The following SHC4 variants were observed in gnomAD, a reference collection of about 807,000 sequenced individuals.
SHC4 encodes the protein SHC adaptor protein 4.
Under a neutral mutation model 69.4 loss-of-function variants are expected in SHC4, and 41 were observed. The ratio of observed to expected loss-of-function variants is 0.59; its 90% confidence interval spans 0.46 to 0.77. The LOEUF is 0.77. Ranked by LOEUF, SHC4 falls within the 30% of genes least tolerant of loss-of-function variation. SHC4 has a pLI of 0.00. For synonymous variants in SHC4, 318 were observed against 299.3 expected (o/e 1.06, Z -0.64); for missense variants, 777 against 783.8 (o/e 0.99, Z 0.10).
chr15:48,882,973 G>A (rs1205832688), intron 4 of SHC4, among the ~76,000 whole-genome samples: 1 of 152,136 alleles, frequency 6.6e-6, no homozygotes, highest in Non-Finnish European at 1.5e-5. Flanking sequence ...AACTAGACAA[G>A]AACTTATTTG....
At chr15:48,897,762 C>CAT (rs1900249721) in intron 2 of SHC4, among the ~76,000 whole-genome samples, 1 of 150,994 alleles carries the variant, frequency 6.6e-6, no homozygotes, top group South Asian at 2.1e-4. Flanking sequence ...TTCTGACACA[C>CAT]ACACACACAC....
At chr15:48,878,925 G>A (rs1049803) in intron 4 of SHC4, 12 of 508,232 alleles carry the variant, frequency 2.4e-5, no homozygotes, top group African/African-American at 3.8e-5. Context: ...AATCATTAAA[G>A]AAAAAGAAAA....
chr15:48,925,131 A>G (rs1171304517), intron 1 of SHC4, among the ~76,000 whole-genome samples, 182 bp from the exon 2 acceptor site: 1 of 152,228 alleles, frequency 6.6e-6, no homozygotes, highest in African/African-American at 2.4e-5. Flanking sequence ...GGTTCAATTC[A>G]GTTACAAAAC....
intron 6 of SHC4, among the ~76,000 whole-genome samples, chr15:48,858,793 A>T (rs1195188916): frequency 1.3e-5 from 2 of 152,244 alleles, no homozygotes; most frequent in Non-Finnish European, 2.9e-5. Flanking sequence ...ACAAAGGAAC[A>T]TTGGGATAAC....
chr15:48,894,513 A>G (rs1288105131), intron 2 of SHC4, among the ~76,000 whole-genome samples: 1 of 152,168 alleles, frequency 6.6e-6, no homozygotes, highest in Non-Finnish European at 1.5e-5. Flanking sequence ...GAGACGGGAC[A>G]ATGTTCCTGT....
chr15:48,849,487 T>C (rs1364749890), intron 9 of SHC4, among the ~76,000 whole-genome samples: 1 of 152,158 alleles, frequency 6.6e-6, no homozygotes, highest in Non-Finnish European at 1.5e-5. Context: ...ACTACAAGAG[T>C]GCCAGTTGTG....
At chr15:48,876,821 C>G (rs1899810106) in intron 4 of SHC4, 1 of 352,980 alleles carries the variant, frequency 2.8e-6, no homozygotes, top group Non-Finnish European at 5.3e-6. Flanking sequence ...ATGTTAATCT[C>G]CTTTGGCAAC....
At chr15:48,887,887 A>T (rs1310298139) in intron 3 of SHC4, among the ~76,000 whole-genome samples, 1 of 152,218 alleles carries the variant, frequency 6.6e-6, no homozygotes, top group African/African-American at 2.4e-5. Flanking sequence ...TATGCCAACA[A>T]ATTGGAGAAT....
intron 5 of SHC4, among the ~76,000 whole-genome samples, chr15:48,869,214 A>C (rs1203293645): frequency 1.3e-5 from 2 of 152,230 alleles, no homozygotes; most frequent in Non-Finnish European, 2.9e-5. Context: ...AAGTGGAGAA[A>C]GTATATATAG....
intron 2 of SHC4, among the ~76,000 whole-genome samples, chr15:48,895,248 T>C (rs991659613): frequency 9.2e-5 from 14 of 152,248 alleles, no homozygotes; most frequent in African/African-American, 2.2e-4. Flanking sequence ...GTTCAAATAA[T>C]TTAAATAACT....
intron 9 of SHC4, among the ~76,000 whole-genome samples, chr15:48,845,075 T>C (rs1392117203): frequency 6.6e-6 from 1 of 152,248 alleles, no homozygotes; most frequent in East Asian, 1.9e-4. Flanking sequence ...TAGCTAGCCA[T>C]ATGTGCTCAT....
intron 1 of SHC4, among the ~76,000 whole-genome samples, chr15:48,940,182 T>C (rs529845725): frequency 2.0e-5 from 3 of 152,374 alleles, no homozygotes; most frequent in Non-Finnish European, 4.4e-5. Flanking sequence ...CAGGATGGTT[T>C]AGTGAATGAC....
chr15:48,852,017 T>C (rs1473217113), intron 8 of SHC4, among the ~76,000 whole-genome samples: 2 of 152,190 alleles, frequency 1.3e-5, no homozygotes, highest in Admixed American at 6.5e-5. Context: ...CAGAAGATTG[T>C]AGATTAATGA....
At chr15:48,944,721 G>T (rs543479310) in intron 1 of SHC4, among the ~76,000 whole-genome samples, 4 of 152,304 alleles carry the variant, frequency 2.6e-5, no homozygotes, top group East Asian at 1.9e-4. Flanking sequence ...TGTGCTTTCA[G>T]ATGGCAGCTG....
At position 48,948,699 on chromosome 15, in the gene SHC4, A is replaced by G. The variant is rs1901315344; in HGVS notation, c.585+13732T>C. Among the ~76,000 whole-genome samples the G allele has an allele frequency of 3.3e-5, 5 of 152,228 alleles. No individual in the cohort carries two copies. The South Asian group carries it at 1.0e-3, about 32-fold the overall frequency. ...GGCAGGAGAATTACTTGAGCCCTGGAGTTTGAGACCAGCCTGGGCAACATA... is the reference window on the plus strand; with the variant it reads ...GGCAGGAGAATTACTTGAGCCCTGGGGTTTGAGACCAGCCTGGGCAACATA... On this transcript the variant is annotated intron_variant, in intron 1 of 11. Coordinates refer to ENST00000332408, the MANE Select transcript of SHC4 (RefSeq NM_203349.4).
chr15:48,890,014 C>T (rs773898280), intron 3 of SHC4, among the ~76,000 whole-genome samples: 5 of 152,204 alleles, frequency 3.3e-5, no homozygotes, highest in Admixed American at 6.5e-5. Context: ...CTACCATTAA[C>T]ACAGAAAGTG....
intron 4 of SHC4, chr15:48,877,782 T>A (rs1899839497): frequency 5.5e-6 from 1 of 183,420 alleles, no homozygotes; most frequent in Admixed American, 5.7e-5. Context: ...GATTTACAAG[T>A]CATCAGTACA....
intron 1 of SHC4, among the ~76,000 whole-genome samples, chr15:48,939,581 G>C (rs184189813): frequency 1.1e-4 from 17 of 152,196 alleles, no homozygotes; most frequent in African/African-American, 3.9e-4. Flanking sequence ...TTTTGTTCTT[G>C]GAGTCCAGCA....
chr15:48,951,886 C>T (rs756152509), intron 1 of SHC4, among the ~76,000 whole-genome samples: 24 of 152,276 alleles, frequency 1.6e-4, no homozygotes, highest in Non-Finnish European at 3.4e-4. Context: ...GACATCTTTG[C>T]TTTACTTTCC....
Sources: gnomAD v4.1 joint callset for allele counts (sites outside exome capture counted in the v4.1 genomes callset) on GRCh38, gnomAD v4.1.1 for gene constraint, MANE v1.5 for transcripts, NCBI Gene and HGNC (gene_info 2026-07-23, HGNC 2026-07-21) for gene names.